PLAAT3: variants seen among roughly 807,000 people sequenced by gnomAD.
PLAAT3 encodes the protein Ca-independent phospholipase A1/2.
In PLAAT3, 21 loss-of-function variants were observed where a neutral mutation model predicts 16.7. The observed-to-expected ratio is 1.26, with a 90% CI of 0.89 to 1.81. The LOEUF (loss-of-function observed/expected upper bound fraction) is 1.81, where lower values mean the gene tolerates loss of function less well. Among genes scored for constraint, PLAAT3 ranks in the 40% most tolerant of loss-of-function variants. The pLI is 0.00. For missense variants in PLAAT3, 219 were observed against 213.7 expected (o/e 1.02, Z -0.16); for synonymous variants, 76 against 81.7 (o/e 0.93, Z 0.38).
intron 2 of PLAAT3, among the ~76,000 whole-genome samples, chr11:63,599,501 C>T (rs936237070): frequency 2.0e-5 from 3 of 152,146 alleles, no homozygotes; most frequent in Non-Finnish European, 4.4e-5. Flanking sequence ...CCTATGAAGG[C>T]GGGTCAAAGG....
intron 2 of PLAAT3, among the ~76,000 whole-genome samples, chr11:63,603,963 C>A (rs1938496385): frequency 6.6e-6 from 1 of 152,074 alleles, no homozygotes; most frequent in Non-Finnish European, 1.5e-5. Context: ...ACCAGCCTGG[C>A]CAACATGGCA....
intron 2 of PLAAT3, among the ~76,000 whole-genome samples, chr11:63,608,064 CCCAGCTA>C (rs1430195395): frequency 6.6e-6 from 1 of 152,170 alleles, no homozygotes; most frequent in African/African-American, 2.4e-5. Flanking sequence ...TGCCTGTAGT[CCCAGCTA>C]CTCGGGAGGC....
intron 2 of PLAAT3, among the ~76,000 whole-genome samples, chr11:63,613,597 A>T (rs1938748037): frequency 6.6e-6 from 1 of 152,208 alleles, no homozygotes; most frequent in Admixed American, 6.5e-5. Flanking sequence ...GTCGCCAAGC[A>T]CAGTTAACGC....
At chr11:63,580,560 A>G (rs1026060757) in intron 4 of PLAAT3, among the ~76,000 whole-genome samples, 8 of 152,368 alleles carry the variant, frequency 5.3e-5, no homozygotes, top group Admixed American at 5.2e-4. Flanking sequence ...AGGCTGAGGC[A>G]GGAGAATCAC....
At chr11:63,595,400 A>G (rs546241605) in intron 3 of PLAAT3, among the ~76,000 whole-genome samples, 1 of 152,156 alleles carries the variant, frequency 6.6e-6, no homozygotes, top group Non-Finnish European at 1.5e-5. Context: ...TAGCATATTC[A>G]TATAACAGAA....
rs57681205 is a variant in PLAAT3, at chr11:63,601,849, C to T, written c.16-3686G>A. Among the ~76,000 whole-genome samples the T allele has an allele frequency of 8.1e-3, 1,226 of 152,158 alleles. 13 individuals are homozygous for T. The highest frequency in any genetic ancestry group is 0.027 in the African/African-American group (1,139 of 41,516). On this transcript the variant is annotated intron_variant, in intron 2 of 4. Transcript: ENST00000415826. ...AAAATTAGCCAGACGTGGTGGCGTACGCCAGTAATCCCAGCTACTCGAGAG... is the reference window on the plus strand; with the variant it reads ...AAAATTAGCCAGACGTGGTGGCGTATGCCAGTAATCCCAGCTACTCGAGAG...
chr11:63,598,871 T>C (rs988629683), intron 2 of PLAAT3, among the ~76,000 whole-genome samples: 1 of 152,158 alleles, frequency 6.6e-6, no homozygotes, highest in Non-Finnish European at 1.5e-5. Context: ...AGTATGTGTG[T>C]GAGGGTGGAT....
chr11:63,590,263 T>C lies in PLAAT3; in HGVS notation c.224A>G (p.Gln75Arg). 8 of 1,614,214 alleles carry C rather than the reference T, an allele frequency of 5.0e-6. No homozygotes were observed. The highest frequency in any genetic ancestry group is 6.8e-6 in the Non-Finnish European group (8 of 1,179,996). The part of the protein sequence containing the change: ...LYDVAGSDKY[Q>R]VNNKHDDKYS... ...CTTGTCATCATGTTTGTTGTTGACC[T>C]GGTACTTGTCACTCCCGGCCACATC... The change falls in exon 4 of 5, where the codon CAG becomes CGG. Residue 75 changes from glutamine (Q) to arginine (R), a missense_variant. Transcript: ENST00000415826.
chr11:63,574,481 GC>G lies in PLAAT3; in HGVS notation c.*463del, dbSNP rs970005531. Reference sequence around the variant, plus strand: ...CGAGGACTTTTTTTTTTTCAACTCAGCTGAACATCTACAGACTCCAGCTGCT... The same window carrying G: ...CGAGGACTTTTTTTTTTTCAACTCAGTGAACATCTACAGACTCCAGCTGCT... On this transcript the variant is annotated 3_prime_UTR_variant, in exon 5 of 5. Transcript: ENST00000415826. 2.7e-5 allele frequency: 4 copies of G among 149,962 alleles called. No homozygotes were observed. Among genetic ancestry groups the G allele is most frequent in the Non-Finnish European group, 5.9e-5 (4 of 68,288 alleles). 9.3% of individuals were successfully genotyped at this position (149,962 alleles called of 1,614,324 possible). A position where few individuals can be genotyped will look rare whatever the true frequency, so the allele number is the denominator to read the frequency against.
intron 2 of PLAAT3, among the ~76,000 whole-genome samples, chr11:63,604,026 C>T (rs1334925256): frequency 6.6e-6 from 1 of 152,168 alleles, no homozygotes; most frequent in Non-Finnish European, 1.5e-5. Context: ...GTGGCACATG[C>T]CTGGAGTCCC....
At chr11:63,596,740 GC>G (rs1434385809) in intron 3 of PLAAT3, among the ~76,000 whole-genome samples, 5 of 152,034 alleles carry the variant, frequency 3.3e-5, no homozygotes, top group African/African-American at 1.2e-4. Flanking sequence ...TGAATCATGA[GC>G]GAGATTTCCC....
chr11:63,595,291 G>A (rs7940076), intron 3 of PLAAT3, among the ~76,000 whole-genome samples: 66,478 of 111,882 alleles, frequency 0.59, 16,488 homozygotes, highest in South Asian at 0.69. Context: ...ACTCCGTCTC[G>A]GAAAAAAAAA....
intron 2 of PLAAT3, among the ~76,000 whole-genome samples, chr11:63,602,112 AC>A (rs1938448406): frequency 6.6e-6 from 1 of 150,696 alleles, no homozygotes; most frequent in Non-Finnish European, 1.5e-5. Flanking sequence ...ATATGGTGAA[AC>A]CCCCCGTCTC....
chr11:63,580,431 G>A (rs965383678), intron 4 of PLAAT3, among the ~76,000 whole-genome samples: 2 of 152,158 alleles, frequency 1.3e-5, no homozygotes, highest in Non-Finnish European at 2.9e-5. Context: ...CGAGGAGGGT[G>A]GATCACGAGG....
chr11:63,597,252 C>T (rs113155207), intron 3 of PLAAT3, among the ~76,000 whole-genome samples: 3,924 of 151,582 alleles, frequency 0.026, 143 homozygotes, highest in African/African-American at 0.089. Context: ...GGGCCGGGCG[C>T]GGTGGCTCAC....
At chr11:63,597,407 T>C (rs1291470635) in intron 3 of PLAAT3, among the ~76,000 whole-genome samples, 3 of 151,958 alleles carry the variant, frequency 2.0e-5, no homozygotes, top group Admixed American at 6.6e-5. Flanking sequence ...ACCTGAGTAG[T>C]CCCAGCTACT....
chr11:63,594,431 C>T (rs1938231461), intron 3 of PLAAT3, among the ~76,000 whole-genome samples: 1 of 151,990 alleles, frequency 6.6e-6, no homozygotes, highest in South Asian at 2.1e-4. Flanking sequence ...GGAAGAAAGT[C>T]AGGTGCCAGG....
chr11:63,610,554 C>T (rs1938667306), intron 2 of PLAAT3, among the ~76,000 whole-genome samples: 1 of 152,178 alleles, frequency 6.6e-6, no homozygotes. Flanking sequence ...AGGGATGAAA[C>T]CCTGGAAGGC....
At chr11:63,588,986 A>G (rs1389522304) in intron 4 of PLAAT3, among the ~76,000 whole-genome samples, 1 of 151,706 alleles carries the variant, frequency 6.6e-6, no homozygotes, top group East Asian at 1.9e-4. Context: ...GCAAAAAAAA[A>G]AAAAAAAAAA....
Sources: gnomAD v4.1 joint callset for allele counts (sites outside exome capture counted in the v4.1 genomes callset) on GRCh38, gnomAD v4.1.1 for gene constraint, MANE v1.5 for transcripts, NCBI Gene and HGNC (gene_info 2026-07-23, HGNC 2026-07-21) for gene names.